Variants in SPTBN4 observed in about 807,000 individuals in gnomAD.
SPTBN4 encodes the protein spectrin beta, non-erythrocytic 4, also known as spectrin beta chain, non-erythrocytic 4.
In SPTBN4, 96 loss-of-function variants were observed where a neutral mutation model predicts 277.8. The ratio of observed to expected loss-of-function variants is 0.35; its 90% CI spans 0.29 to 0.41. SPTBN4 has a LOEUF of 0.41. SPTBN4 is among the 10% of genes least tolerant of loss of function. The pLI is 1.00. For missense variants in SPTBN4, 3,006 were observed against 3,595.7 expected (o/e 0.84, Z 4.19); for synonymous variants, 1,481 against 1,580.3 (o/e 0.94, Z 1.49).
At chr19:40,497,087 A>T (rs934217377) in intron 6 of SPTBN4, among the ~76,000 whole-genome samples, 3 of 150,752 alleles carry the variant, frequency 2.0e-5, no homozygotes, top group East Asian at 3.9e-4. Context: ...AAAAAAAAAA[A>T]AAAAAAAAGA....
At position 40,556,294 on chromosome 19, in the gene SPTBN4, C is replaced by G; in HGVS notation, c.5289+6C>G. The G allele has an allele frequency of 6.2e-7, 1 of 1,608,848 alleles. No homozygotes were observed. Among genetic ancestry groups the G allele is most frequent in the Non-Finnish European group, 8.5e-7 (1 of 1,177,194 alleles). On this transcript the variant is annotated splice_donor_region_variant and intron_variant, in intron 25 of 35. Transcript: ENST00000598249. Reference sequence around the variant, plus strand: ...AGGACTTTGAGCATGTCTCGGTGAGCATCATTAGTAATAAGTGATACCAGG... The same window carrying G: ...AGGACTTTGAGCATGTCTCGGTGAGGATCATTAGTAATAAGTGATACCAGG...
Position 40,560,072 on chromosome 19 carries a change from G to A in SPTBN4, c.5671-87G>A, listed in dbSNP as rs2145941482. 1.4e-5 allele frequency: 21 copies of A among 1,460,422 alleles called. 1 individual carries two copies. The South Asian group carries it at 2.8e-4, about 20-fold the overall frequency. The allele number at this position is 1,460,422 out of a possible 1,614,324, so 90.5% of individuals were successfully genotyped here. A position where few individuals can be genotyped will look rare whatever the true frequency, so the allele number is the denominator to read the frequency against. On this transcript the variant is annotated intron_variant, in intron 26 of 35. Transcript: ENST00000598249. The surrounding 1 kb of genome is among the most constrained non-coding windows in gnomAD (Gnocchi z 5.2). ...CACAGTGTGAGGCTCCTTATATCTT[G>A]AGGTTCTGCGCTGGAGCAGATGGTG... is the stretch of plus-strand genomic sequence containing the variant.
chr19:40,555,489 C>CAAAAAAAAAAAAAAA (rs56045928), intron 24 of SPTBN4, among the ~76,000 whole-genome samples: 12 of 74,876 alleles, frequency 1.6e-4, no homozygotes, highest in Non-Finnish European at 2.2e-4. Context: ...GACTCCGTCT[C>CAAAAAAAAAAAAAAA]AAAAAAAAAA....
intron 21 of SPTBN4, among the ~76,000 whole-genome samples, chr19:40,549,774 G>A (rs1200369727): frequency 6.6e-6 from 1 of 152,214 alleles, no homozygotes; most frequent in Non-Finnish European, 1.5e-5. Flanking sequence ...CCAGCCCTGT[G>A]TTTGGATGAT....
rs371479246 is a variant in SPTBN4 at position 40,472,738 on chromosome 19, G to A, written c.117G>A (p.Ala39=). Residue 39 remains alanine, a synonymous_variant, in exon 2 of 36, where the codon GCG becomes GCA. Coordinates refer to ENST00000598249, the MANE Select transcript of SPTBN4 (RefSeq NM_020971.3). ...DRGWEREQPA[A]STAAASLFEC... ...GCTGGGAGCGGGAGCAGCCGGCTGC[G>A]TCCACCGCAGCGGCCTCGCTCTTTG... is the stretch of plus-strand genomic sequence containing the variant. The A allele has an allele frequency of 2.5e-6, 4 of 1,606,658 alleles. No homozygotes were observed. The highest frequency in any genetic ancestry group is 1.7e-4 in the Middle Eastern group (1 of 5,970).
intron 20 of SPTBN4, among the ~76,000 whole-genome samples, chr19:40,537,184 A>G (rs563823881): frequency 6.6e-6 from 1 of 152,008 alleles, no homozygotes; most frequent in East Asian, 1.9e-4. Flanking sequence ...TAATTTTTGT[A>G]TTTTTAGTAG....
Position 40,549,204 on chromosome 19 carries a change from G to A in SPTBN4, c.4375G>A (p.Val1459Met). ...GTCCCCACAGTCCATGGAGTCGCAG[G>A]TGGAGGAGTGGTACCGCGAGGTGGG... is the stretch of plus-strand genomic sequence containing the variant. ...LKKLQSMESQ[V>M]EEWYREVGEL... The change falls in exon 21 of 36, where the codon GTG (valine) becomes ATG (methionine). Residue 1459 changes from valine to methionine, a missense_variant. Around this residue, in one of 5 missense-constraint regions of SPTBN4, gnomAD observed 1,759 missense variants for 2,061.5 expected, o/e 0.85. Coordinates refer to ENST00000598249, the MANE Select transcript of SPTBN4 (RefSeq NM_020971.3). 2 of 1,546,882 alleles carry A rather than the reference G, an allele frequency of 1.3e-6. No individual in the cohort carries two copies. Among genetic ancestry groups the A allele is most frequent in the Non-Finnish European group, 1.7e-6 (2 of 1,146,556 alleles).
At chr19:40,546,255 A>G (rs375337617) in intron 20 of SPTBN4, among the ~76,000 whole-genome samples, 17 of 151,652 alleles carry the variant, frequency 1.1e-4, no homozygotes, top group African/African-American at 4.1e-4. Flanking sequence ...AGAAAGAAAG[A>G]AAAGAAAAAA....
chr19:40,556,512 A>T (rs1165533196), intron 25 of SPTBN4, among the ~76,000 whole-genome samples: 5 of 151,794 alleles, frequency 3.3e-5, no homozygotes, highest in African/African-American at 1.2e-4. Flanking sequence ...ATTGTTACTT[A>T]TTGTTATTTT....
At chr19:40,529,718 C>T (rs1275562161) in intron 18 of SPTBN4, among the ~76,000 whole-genome samples, 1 of 152,084 alleles carries the variant, frequency 6.6e-6, no homozygotes, top group African/African-American at 2.4e-5. Flanking sequence ...TCCATAGAAA[C>T]GATTCTAGAC....
intron 20 of SPTBN4, among the ~76,000 whole-genome samples, chr19:40,548,714 C>CAAA (rs57692095): frequency 8.5e-6 from 1 of 117,056 alleles, no homozygotes; most frequent in African/African-American, 3.1e-5. Flanking sequence ...GACTCCATCT[C>CAAA]AAAAAAAAAA....
At chr19:40,492,021 T>TA (rs979157853) in intron 4 of SPTBN4, among the ~76,000 whole-genome samples, 3 of 137,340 alleles carry the variant, frequency 2.2e-5, no homozygotes, top group African/African-American at 8.9e-5. Flanking sequence ...AAACTCCATC[T>TA]AAAAAAAACA....
chr19:40,568,372 G>A, intron 31 of SPTBN4, 90 bp downstream of exon 31: 1 of 1,437,614 alleles, frequency 7.0e-7, no homozygotes, highest in Non-Finnish European at 9.2e-7. Context: ...GGGCTTCAGG[G>A]CTCAGAACTT....
In SPTBN4 at chr19:40,567,685, A is replaced by G; in HGVS notation, c.6359A>G (p.Gln2120Arg). Residue 2120 changes from glutamine (Q) to arginine (R), a missense_variant, in exon 31 of 36, where the codon CAG becomes CGG. Physicochemically the swap from Gln to Arg is conservative, Grantham distance 43. Transcript: ENST00000598249. ...CAGATCGAGAAAATCAAAGCGGAAC[A>G]GAGCAAGCAGCCGCCTACCCCACTG... Reference protein sequence around the residue: ...LTTIEKIKAEQSKQPPTPLLG... With the variant: ...LTTIEKIKAERSKQPPTPLLG... 6.5e-7 allele frequency: 1 copy of G among 1,544,932 alleles called. No homozygotes were observed. Among genetic ancestry groups the G allele is most frequent in the South Asian group, 1.2e-5 (1 of 83,868 alleles).
intron 27 of SPTBN4, 149 bp from the exon 28 acceptor site, chr19:40,565,274 A>T: frequency 1.4e-6 from 1 of 726,310 alleles, no homozygotes; most frequent in Non-Finnish European, 2.1e-6. Flanking sequence ...CAAAAAAAAA[A>T]AGAAAAGAAA....
At chr19:40,524,669 A>T (rs1373985391) in intron 17 of SPTBN4, 2 of 451,434 alleles carry the variant, frequency 4.4e-6, no homozygotes, top group Non-Finnish European at 8.9e-6. Flanking sequence ...GTCCCCTGCC[A>T]GGCTGGTTGT....
At chr19:40,498,417 A>ATTTATTTATTTT (rs1555812398) in intron 7 of SPTBN4, among the ~76,000 whole-genome samples, 2 of 145,876 alleles carry the variant, frequency 1.4e-5, no homozygotes, top group East Asian at 2.0e-4. Context: ...TTATTTATTT[A>ATTTATTTATTTT]TTTTTTTAGA....
chr19:40,537,791 AG>A (rs2080755441), intron 20 of SPTBN4, among the ~76,000 whole-genome samples: 2 of 152,196 alleles, frequency 1.3e-5, no homozygotes, highest in Admixed American at 6.6e-5. Context: ...TCCCAGGGCC[AG>A]GTGGGGATGT....
intron 20 of SPTBN4, among the ~76,000 whole-genome samples, chr19:40,548,681 C>T (rs1055696055): frequency 1.3e-5 from 2 of 151,596 alleles, no homozygotes; most frequent in African/African-American, 4.9e-5. Flanking sequence ...CGCCATTGCA[C>T]TCCAGCCTGG....
Sources: allele counts gnomAD v4.1 joint callset (sites outside exome capture counted in the v4.1 genomes callset), GRCh38; gene constraint gnomAD v4.1.1; regional missense constraint gnomAD v4.1.1; non-coding constraint Gnocchi (gnomAD v3.1); transcripts MANE v1.5; gene names NCBI Gene and HGNC (gene_info 2026-07-23, HGNC 2026-07-21).